PAX2: variants seen among roughly 807,000 people sequenced by gnomAD.
The protein encoded by PAX2 is paired box protein Pax-2.
PAX2 carries 9 observed loss-of-function variants against 41.7 expected under a neutral mutation model. The ratio of observed to expected loss-of-function variants is 0.22; its 90% CI spans 0.13 to 0.38. PAX2 has a LOEUF of 0.38. Among genes scored for constraint, PAX2 ranks in the 10% least tolerant of loss-of-function variants. PAX2 has a pLI of 1.00. For synonymous variants in PAX2, 221 were observed against 212.7 expected (o/e 1.04, Z -0.34); for missense variants, 418 against 531.6 (o/e 0.79, Z 2.10).
chr10:100,769,531 G>A (rs1468459401), intron 3 of PAX2, among the ~76,000 whole-genome samples: 2 of 151,854 alleles, frequency 1.3e-5, no homozygotes, highest in East Asian at 1.9e-4. Context: ...AGGAGGCTGA[G>A]GTTGCAGTGA....
At chr10:100,767,146 C>G (rs1044516220) in intron 3 of PAX2, among the ~76,000 whole-genome samples, 4 of 152,176 alleles carry the variant, frequency 2.6e-5, no homozygotes, top group Non-Finnish European at 5.9e-5. Flanking sequence ...ACACCCATAC[C>G]CACAGGCTGA....
upstream of PAX2, among the ~76,000 whole-genome samples, chr10:100,743,120 C>T (rs941630747): frequency 1.6e-4 from 24 of 151,998 alleles, no homozygotes; most frequent in African/African-American, 4.6e-4. Context: ...GCCGGCCTGG[C>T]GGAAGAGTGA....
intron 5 of PAX2, among the ~76,000 whole-genome samples, chr10:100,783,747 G>T (rs1846736396): frequency 6.7e-6 from 1 of 149,064 alleles, no homozygotes. Flanking sequence ...TCATGCTCCA[G>T]CAGTGTGACA....
At chr10:100,806,128 A>AGCTGGCTCCTGGGAGCCC (rs939669412) in intron 5 of PAX2, among the ~76,000 whole-genome samples, 1 of 152,032 alleles carries the variant, frequency 6.6e-6, no homozygotes, top group African/African-American at 2.4e-5. Context: ...TGCCCCAGGG[A>AGCTGGCTCCTGGGAGCCC]GCTGGCTCCT....
intron 6 of PAX2, among the ~76,000 whole-genome samples, chr10:100,808,871 G>T (rs1211331858): frequency 1.3e-5 from 2 of 152,192 alleles, no homozygotes; most frequent in South Asian, 4.1e-4. Flanking sequence ...CATAAAGGGT[G>T]CTGGCATTAA....
chr10:100,745,443 C>T (rs1845116968), upstream of PAX2, among the ~76,000 whole-genome samples: 1 of 152,184 alleles, frequency 6.6e-6, no homozygotes. Context: ...CTCGGGGCTC[C>T]AGCGCTGGCG....
At chr10:100,741,979 C>G (rs530091627), upstream of PAX2, among the ~76,000 whole-genome samples, 2 of 152,312 alleles carry the variant, frequency 1.3e-5, no homozygotes, top group East Asian at 1.9e-4. Context: ...AGGCAGGTCC[C>G]GGCCACGGGG....
upstream of PAX2, among the ~76,000 whole-genome samples, chr10:100,742,646 G>A (rs1008809910): frequency 1.3e-5 from 2 of 152,032 alleles, no homozygotes; most frequent in Non-Finnish European, 2.9e-5. Flanking sequence ...CCGCAGGGAG[G>A]CGGGCTCCTT....
chr10:100,772,096 T>A (rs1846234225), intron 3 of PAX2, among the ~76,000 whole-genome samples: 1 of 151,938 alleles, frequency 6.6e-6, no homozygotes, highest in Non-Finnish European at 1.5e-5. Flanking sequence ...TGAGCCACTG[T>A]GCCCGGCCAC....
intron 6 of PAX2, among the ~76,000 whole-genome samples, chr10:100,807,534 C>T (rs953511995): frequency 6.6e-6 from 1 of 151,414 alleles, no homozygotes; most frequent in African/African-American, 2.4e-5. Flanking sequence ...CACACACCAC[C>T]GCCCACCTGC....
intron 3 of PAX2, among the ~76,000 whole-genome samples, chr10:100,773,959 A>G (rs958289589): frequency 8.5e-5 from 13 of 152,288 alleles, no homozygotes; most frequent in African/African-American, 3.1e-4. Flanking sequence ...ATAAACTCAC[A>G]TAGCCACGGT....
At position 100,774,444 on chromosome 10, in the gene PAX2, C is replaced by T. The variant is rs529925489; in HGVS notation, c.411-5054C>T. ...CCAGTCTGTCTGCTTGAGAGTCTGACGCAACCTCCTTTTGGGTCAGATGTC... is the reference window on the plus strand; with the variant it reads ...CCAGTCTGTCTGCTTGAGAGTCTGATGCAACCTCCTTTTGGGTCAGATGTC... On this transcript the variant is annotated intron_variant, in intron 3 of 9. Coordinates refer to ENST00000355243, the MANE Select transcript of PAX2 (RefSeq NM_000278.5). Among the ~76,000 whole-genome samples, 5 of 152,114 alleles carry T rather than the reference C, an allele frequency of 3.3e-5. No individual in the cohort carries two copies. The East Asian group carries it at 5.8e-4, about 18-fold the overall frequency.
Position 100,781,228 on chromosome 10 carries a change from C to T in PAX2, c.497-18C>T. On this transcript the variant is annotated intron_variant, in intron 4 of 9. Coordinates refer to ENST00000355243, the MANE Select transcript of PAX2 (RefSeq NM_000278.5). The stretch of plus-strand genomic sequence containing the variant: ...TAAACTGCTATCCTGATGCCATTTC[C>T]TCCTTCCTCTCATCCAGTTCCCAGC... The T allele has an allele frequency of 3.1e-6, 5 of 1,613,966 alleles. No individual in the cohort carries two copies. The highest frequency in any genetic ancestry group is 4.2e-6 in the Non-Finnish European group (5 of 1,179,844).
intron 5 of PAX2, among the ~76,000 whole-genome samples, chr10:100,789,361 C>T (rs1847008889): frequency 6.6e-6 from 1 of 152,210 alleles, no homozygotes; most frequent in South Asian, 2.1e-4. Flanking sequence ...CCACCTCAGC[C>T]TCCCAAAGTG....
intron 7 of PAX2, among the ~76,000 whole-genome samples, chr10:100,814,830 G>C (rs1812930): frequency 0.065 from 9,972 of 152,320 alleles, 468 homozygotes; most frequent in African/African-American, 0.12. Flanking sequence ...TCCAGGAAGA[G>C]ATGTGGATGC....
At chr10:100,818,895 T>C (rs1848280729) in intron 7 of PAX2, among the ~76,000 whole-genome samples, 1 of 152,226 alleles carries the variant, frequency 6.6e-6, no homozygotes, top group Admixed American at 6.5e-5. Flanking sequence ...TGCCATCTAC[T>C]AGCAGTGAAA....
At chr10:100,753,166 G>A (rs1453185348) in intron 3 of PAX2, among the ~76,000 whole-genome samples, 1 of 152,232 alleles carries the variant, frequency 6.6e-6, no homozygotes, top group Non-Finnish European at 1.5e-5. Flanking sequence ...AGCCTACCCT[G>A]GGTCCGTAGT....
intron 5 of PAX2, among the ~76,000 whole-genome samples, chr10:100,783,191 A>C (rs1292439475): frequency 6.6e-6 from 1 of 152,220 alleles, no homozygotes; most frequent in Non-Finnish European, 1.5e-5. Flanking sequence ...TTTCTAATCA[A>C]TTCAGTTCAG....
intron 4 of PAX2, 80 bp from the exon 5 acceptor site, chr10:100,781,166 C>T (rs1846605633): frequency 2.8e-6 from 4 of 1,436,454 alleles, no homozygotes; most frequent in Non-Finnish European, 3.9e-6. Flanking sequence ...TCTCTCTGCC[C>T]CCCAGCCTTG....
Sources: gnomAD v4.1 joint callset for allele counts (sites outside exome capture counted in the v4.1 genomes callset) on GRCh38, gnomAD v4.1.1 for gene constraint, MANE v1.5 for transcripts, NCBI Gene and HGNC (gene_info 2026-07-23, HGNC 2026-07-21) for gene names.